MSH6: variants seen among roughly 807,000 people sequenced by gnomAD.
MSH6 encodes DNA mismatch repair protein Msh6.
MSH6 carries 85 observed loss-of-function variants against 119.1 expected under a neutral mutation model. The observed-to-expected ratio is 0.71, with a 90% CI of 0.60 to 0.85. The LOEUF (loss-of-function observed/expected upper bound fraction) is 0.85. MSH6 is among the 40% of genes least tolerant of loss of function. The probability of loss-of-function intolerance (pLI) is 0.00; values close to 1 mark genes in which losing one functional copy is unlikely to be tolerated. For synonymous variants in MSH6, 830 were observed against 586.9 expected, an observed-to-expected ratio of 1.41 and a Z score of -5.99; for missense variants, 2,163 against 1,655.3, an observed-to-expected ratio of 1.31 and a Z score of -5.32.
chr2:47,800,680 A>G lies in MSH6; in HGVS notation c.2697A>G (p.Glu899=), dbSNP rs1263132199. 6.2e-7 allele frequency: 1 copy of G among 1,614,164 alleles called. No homozygotes were observed. Among genetic ancestry groups the G allele is most frequent in the Non-Finnish European group, 8.5e-7 (1 of 1,180,024 alleles). ...TCTCTCTGCAGACAAAAAATCCTGA[A>G]GGTCGTTTTCCTGATTTGACTGTAG... ...QVISLQTKNP[E]GRFPDLTVEL... Residue 899 remains glutamate (E), a synonymous_variant, in exon 4 of 10, where the codon GAA becomes GAG. Coordinates refer to ENST00000234420, the MANE Select transcript of MSH6 (RefSeq NM_000179.3).
rs1669577029 is a variant in MSH6 at position 47,801,361 on chromosome 2, G to GTTTTTGTTT, written c.3172+211_3172+212insGTTTTTTTT. On this transcript the variant is annotated intron_variant, in intron 4 of 9. Coordinates refer to ENST00000234420, the MANE Select transcript of MSH6 (RefSeq NM_000179.3). ...TTAGTAGCCCTTTGGCCTTTCTTCA[G>GTTTTTGTTT]TTTTTTTTTTTTTTTTTTTTTTTTT... 8 of 89,994 alleles carry GTTTTTGTTT rather than the reference G, an allele frequency of 8.9e-5. No individual in the cohort carries two copies. The Admixed American group carries it at 1.2e-3, about 13-fold the overall frequency. The allele number at this position is 89,994 out of a possible 1,614,324, so 5.6% of individuals were successfully genotyped here.
At chr2:47,785,315 C>T (rs1270636001) in intron 1 of MSH6, among the ~76,000 whole-genome samples, 1 of 152,042 alleles carries the variant, frequency 6.6e-6, no homozygotes, top group African/African-American at 2.4e-5. Context: ...GCAACCTCTG[C>T]CCGCCGGGTT....
downstream of MSH6, chr2:47,806,992 T>A (rs1670250446): frequency 2.7e-6 from 2 of 733,816 alleles, no homozygotes; most frequent in Non-Finnish European, 4.7e-6. Flanking sequence ...TAAACCCTTT[T>A]AATTCTTATC....
intron 1 of MSH6, among the ~76,000 whole-genome samples, chr2:47,788,946 T>TTTTTTTTTTTTTTTTTTTTTTTTTG (rs1553409740): frequency 3.5e-5 from 4 of 115,752 alleles, no homozygotes; most frequent in Non-Finnish European, 6.9e-5. Flanking sequence ...TTTTTTTTTT[T>TTTTTTTTTTTTTTTTTTTTTTTTTG]TGTGAGACGG....
intron 5 of MSH6, among the ~76,000 whole-genome samples, 192 bp downstream of exon 5, chr2:47,803,877 G>C (rs1344493334): frequency 6.6e-6 from 1 of 152,198 alleles, no homozygotes; most frequent in Non-Finnish European, 1.5e-5. Flanking sequence ...TTAATGTTAA[G>C]GGGAATATAT....
downstream of MSH6, chr2:47,808,010 T>C (rs1247450150): frequency 9.8e-7 from 1 of 1,021,166 alleles, no homozygotes; most frequent in Non-Finnish European, 1.4e-6. Flanking sequence ...TATCCATTTT[T>C]AATACAGTCT....
At chr2:47,807,077 C>CAGGCTGT, downstream of MSH6, 1 of 549,860 alleles carries the variant, frequency 1.8e-6, no homozygotes, top group African/African-American at 1.9e-5. Flanking sequence ...CATACACTTT[C>CAGGCTGT]AGGCTGTTTT....
downstream of MSH6, chr2:47,809,023 C>T (rs1670429634): frequency 3.4e-6 from 2 of 584,490 alleles, no homozygotes; most frequent in South Asian, 4.4e-5. Flanking sequence ...ACACGATCTT[C>T]AAGTAGATTG....
rs1030492598 is a variant in MSH6, at chr2:47,783,413, G to A, written c.180G>A (p.Leu60=). The change falls in exon 1 of 10, where the codon TTG becomes TTA. Residue 60 remains leucine (L), a synonymous_variant. Transcript: ENST00000234420. The part of the protein sequence containing the change: ...WSEAGPGPRP[L]ARSASPPKAK... ...AGGCTGGGCCTGGGCCCAGGCCCTT[G>A]GCGCGCTCCGCGTCACCGCCCAAGG... 1 of 1,523,042 alleles carries A rather than the reference G, an allele frequency of 6.6e-7. No homozygotes were observed. The highest frequency in any genetic ancestry group is 1.4e-5 in the African/African-American group (1 of 70,194). The allele number at this position is 1,523,042 out of a possible 1,614,324, so 94.3% of individuals were successfully genotyped here. A position where few individuals can be genotyped will look rare whatever the true frequency, so the allele number is the denominator to read the frequency against.
intron 1 of MSH6, among the ~76,000 whole-genome samples, chr2:47,788,924 T>TTTTTTTGTTTTTG (rs1668546895): frequency 1.4e-5 from 1 of 71,392 alleles, no homozygotes; most frequent in African/African-American, 6.8e-5. Context: ...TTTTTTTTGT[T>TTTTTTTGTTTTTG]TTTTTTTTTT....
At chr2:47,809,755 C>T (rs1226728510), downstream of MSH6, 5 of 1,249,432 alleles carry the variant, frequency 4.0e-6, no homozygotes, top group South Asian at 3.7e-5. Flanking sequence ...TATACTGCTT[C>T]TTAAAAACCT....
chr2:47,787,713 C>A (rs922152388), intron 1 of MSH6, among the ~76,000 whole-genome samples: 2 of 152,156 alleles, frequency 1.3e-5, no homozygotes, highest in Non-Finnish European at 2.9e-5. Context: ...ACCTATTCGG[C>A]TCAAGTGATC....
chr2:47,785,364 A>T (rs1049822116), intron 1 of MSH6, among the ~76,000 whole-genome samples: 2 of 151,800 alleles, frequency 1.3e-5, no homozygotes, highest in African/African-American at 4.8e-5. Flanking sequence ...AGTAGCTGGG[A>T]TTACGGGTGT....
chr2:47,790,660 A>G (rs1196114543), intron 1 of MSH6, among the ~76,000 whole-genome samples: 1 of 152,140 alleles, frequency 6.6e-6, no homozygotes, highest in Non-Finnish European at 1.5e-5. Flanking sequence ...AAATTCTGCC[A>G]TGGTTTTTAA....
downstream of MSH6, chr2:47,809,150 TA>T: frequency 6.7e-7 from 1 of 1,498,486 alleles, no homozygotes; most frequent in Non-Finnish European, 9.2e-7. Context: ...AATATATTTC[TA>T]AGTTACCTGT....
Position 47,806,914 on chromosome 2 carries a change from A to G in MSH6, c.*54A>G. The G allele has an allele frequency of 7.8e-7, 1 of 1,287,084 alleles. No individual in the cohort carries two copies. The highest frequency in any genetic ancestry group is 1.1e-6 in the Non-Finnish European group (1 of 884,696). 79.7% of individuals were successfully genotyped at this position (1,287,084 alleles called of 1,614,324 possible). On this transcript the variant is annotated 3_prime_UTR_variant, in exon 10 of 10. Transcript: ENST00000234420. ...CTTCTGACAAAGGTGGTAAATTCAG[A>G]CAACATTATGATCTAATAAACTTTA...
chr2:47,787,799 T>C (rs1171240838), intron 1 of MSH6, among the ~76,000 whole-genome samples: 2 of 152,110 alleles, frequency 1.3e-5, no homozygotes, highest in Non-Finnish European at 2.9e-5. Flanking sequence ...TTAAATTTTT[T>C]TGTAGAAACA....
rs2103929891 is a variant in MSH6 at position 47,783,224 on chromosome 2, G to A, written c.-10G>A. On this transcript the variant is annotated 5_prime_UTR_variant, in exon 1 of 10. Transcript: ENST00000234420. ...TCCGACAGAACGGTTGGGCCTTGCC[G>A]GCTGTCGGTATGTCGCGACAGAGCA... is the stretch of plus-strand genomic sequence containing the variant. 1 of 1,611,178 alleles carries A rather than the reference G, an allele frequency of 6.2e-7. No homozygotes were observed. The highest frequency in any genetic ancestry group is 8.5e-7 in the Non-Finnish European group (1 of 1,179,308).
downstream of MSH6, chr2:47,809,751 GCTT>G (rs891225372): frequency 2.3e-6 from 3 of 1,320,296 alleles, no homozygotes; most frequent in Non-Finnish European, 3.2e-6. Flanking sequence ...ACTTTATACT[GCTT>G]CTTAAAAACC....
Sources: allele counts gnomAD v4.1 joint callset (sites outside exome capture counted in the v4.1 genomes callset), GRCh38; gene constraint gnomAD v4.1.1; transcripts MANE v1.5; gene names NCBI Gene and HGNC (gene_info 2026-07-23, HGNC 2026-07-21).